Variants in FABP12 observed in about 807,000 individuals in gnomAD.
FABP12 encodes fatty acid binding protein 12.
FABP12 carries 19 observed loss-of-function variants against 13.7 expected under a neutral mutation model. That is an observed-to-expected ratio of 1.39 (90% CI 0.97 to 2.04). FABP12 has a LOEUF of 2.04. FABP12 is among the 30% of genes most tolerant of loss of function. FABP12 has a pLI of 0.00. For missense variants in FABP12, 182 were observed against 164.2 expected (o/e 1.11, Z -0.59); for synonymous variants, 61 against 57.0 (o/e 1.07, Z -0.32).
intron 1 of FABP12, among the ~76,000 whole-genome samples, chr8:81,555,882 A>AT (rs899209526): frequency 4.0e-5 from 6 of 151,706 alleles, no homozygotes; most frequent in South Asian, 2.1e-4. Context: ...ATGTTCTAGT[A>AT]TTTTTTTTTC....
chr8:81,564,214 CTT>C (rs1452101177), intron 1 of FABP12, among the ~76,000 whole-genome samples: 2 of 151,942 alleles, frequency 1.3e-5, no homozygotes, highest in Non-Finnish European at 2.9e-5. Flanking sequence ...GAAATAAAGA[CTT>C]TGCCAGACAA....
At chr8:81,541,780 C>T (rs951298297) in intron 1 of FABP12, among the ~76,000 whole-genome samples, 1 of 151,908 alleles carries the variant, frequency 6.6e-6, no homozygotes, top group African/African-American at 2.4e-5. Flanking sequence ...TTACTATAAC[C>T]TCAGATGTTG....
intron 2 of FABP12, among the ~76,000 whole-genome samples, chr8:81,530,328 A>C (rs1809033783): frequency 6.6e-6 from 1 of 152,136 alleles, no homozygotes; most frequent in African/African-American, 2.4e-5. Flanking sequence ...TTCATAGTAC[A>C]TAATATTCCA....
intron 1 of FABP12, among the ~76,000 whole-genome samples, chr8:81,572,563 T>C (rs1809953303): frequency 6.6e-6 from 1 of 152,230 alleles, no homozygotes; most frequent in Non-Finnish European, 1.5e-5. Context: ...CTAGTTTACA[T>C]TCCCACCAGC....
Position 81,578,823 on chromosome 8 carries a change from G to GTTTCTTTTTTTTTTTTT in FABP12, c.-185+11229_-185+11230insAAAAAAAAAAAAAGAAA, listed in dbSNP as rs71268012. ...TACAGAATCTGACACATTTGTTCAA[G>GTTTCTTTTTTTTTTTTT]TTTTTTTTTTTTTTTTTTTGAGAAG... On this transcript the variant is annotated intron_variant, in intron 1 of 5. Coordinates refer to the FABP12 transcript ENST00000692030. Among the ~76,000 whole-genome samples, 8 of 105,668 alleles carry GTTTCTTTTTTTTTTTTT rather than the reference G, an allele frequency of 7.6e-5. 1 individual carries two copies. The highest frequency in any genetic ancestry group is 2.0e-4 in the African/African-American group (5 of 24,576). The allele number at this position is 105,668 out of a possible 152,430, so 69.3% of individuals were successfully genotyped here. A position where few individuals can be genotyped will look rare whatever the true frequency, so the allele number is the denominator to read the frequency against.
chr8:81,586,754 C>T (rs35564978), intron 1 of FABP12, among the ~76,000 whole-genome samples: 2,915 of 152,052 alleles, frequency 0.019, 64 homozygotes, highest in African/African-American at 0.057. Flanking sequence ...TGTGTGTTTA[C>T]TCTGTTGATA....
chr8:81,558,138 G>A (rs1054229097), intron 1 of FABP12, among the ~76,000 whole-genome samples: 2 of 152,182 alleles, frequency 1.3e-5, no homozygotes, highest in East Asian at 1.9e-4. Context: ...TCTCTACTGC[G>A]TGCTCTGAAA....
intron 1 of FABP12, among the ~76,000 whole-genome samples, chr8:81,548,320 C>T (rs1809469047): frequency 1.3e-5 from 2 of 152,118 alleles, no homozygotes; most frequent in South Asian, 4.1e-4. Context: ...TTTGAGGTCA[C>T]TACCCTCAAA....
intron 3 of FABP12, among the ~76,000 whole-genome samples, chr8:81,527,994 T>C (rs867252945): frequency 6.6e-6 from 1 of 152,130 alleles, no homozygotes; most frequent in Non-Finnish European, 1.5e-5. Context: ...GTGAAACTAA[T>C]TCAAACTCCC....
chr8:81,527,564 T>C (rs1426975310), intron 3 of FABP12, among the ~76,000 whole-genome samples: 1 of 152,132 alleles, frequency 6.6e-6, no homozygotes, highest in African/African-American at 2.4e-5. Flanking sequence ...GGTTTCACCA[T>C]GTTGGCCAGG....
intron 1 of FABP12, among the ~76,000 whole-genome samples, chr8:81,568,689 G>A (rs1051554221): frequency 6.6e-6 from 1 of 152,166 alleles, no homozygotes; most frequent in Non-Finnish European, 1.5e-5. Flanking sequence ...CATGTTTATT[G>A]CAGCACTATC....
Position 81,576,736 on chromosome 8 carries a change from G to A in FABP12, c.-185+13317C>T, listed in dbSNP as rs1402011086. Among the ~76,000 whole-genome samples, 5 of 152,090 alleles carry A rather than the reference G, an allele frequency of 3.3e-5. 1 individual carries two copies. The highest frequency in any genetic ancestry group is 5.9e-5 in the Non-Finnish European group (4 of 68,024). On this transcript the variant is annotated intron_variant, in intron 1 of 5. Coordinates refer to the FABP12 transcript ENST00000692030. ...GACAAACTATCCCCAAATCTGAGTG[G>A]CTTAAAACCACAAAGTTTTATTTCT... is the stretch of plus-strand genomic sequence containing the variant.
At chr8:81,531,348 T>C (rs375187044) in exon 2 of FABP12, 14 of 1,483,168 alleles carry the variant, frequency 9.4e-6, no homozygotes, top group Non-Finnish European at 1.3e-5. Flanking sequence ...CAAAGAACAG[T>C]AGTTTCATGT....
intron 1 of FABP12, among the ~76,000 whole-genome samples, chr8:81,562,209 C>T (rs1324539484): frequency 6.6e-6 from 1 of 152,162 alleles, no homozygotes; most frequent in Non-Finnish European, 1.5e-5. Context: ...AAGGGAAGGA[C>T]CCAGTTCTGG....
intron 1 of FABP12, among the ~76,000 whole-genome samples, chr8:81,555,718 T>C (rs1373908058): frequency 6.6e-6 from 1 of 152,186 alleles, no homozygotes; most frequent in African/African-American, 2.4e-5. Context: ...GCTATTCTGT[T>C]AAACTCCAGC....
At chr8:81,534,127 A>G (rs747098034), upstream of FABP12, among the ~76,000 whole-genome samples, 2 of 152,008 alleles carry the variant, frequency 1.3e-5, no homozygotes, top group Non-Finnish European at 2.9e-5. Context: ...TCTCACACAC[A>G]TACACACACA....
At chr8:81,525,515 C>CAA (rs201121273) in intron 4 of FABP12, among the ~76,000 whole-genome samples, 44 of 95,616 alleles carry the variant, frequency 4.6e-4, no homozygotes, top group East Asian at 2.5e-3. Flanking sequence ...GACTCCGTCT[C>CAA]AAAAAAAAAA....
chr8:81,525,186 A>G (rs1808860965), intron 4 of FABP12, 66 bp from the exon 5 acceptor site: 1 of 1,054,278 alleles, frequency 9.5e-7, no homozygotes, highest in Non-Finnish European at 1.4e-6. Context: ...AGAAAAGTGC[A>G]AACTAAGTAC....
intron 1 of FABP12, among the ~76,000 whole-genome samples, chr8:81,576,145 C>A (rs1420820199): frequency 6.6e-6 from 1 of 152,132 alleles, no homozygotes; most frequent in Non-Finnish European, 1.5e-5. Flanking sequence ...AATGACTTTT[C>A]TCTTAATTTC....
Sources: allele counts gnomAD v4.1 joint callset (sites outside exome capture counted in the v4.1 genomes callset), GRCh38; gene constraint gnomAD v4.1.1; transcripts MANE v1.5; gene names NCBI Gene and HGNC (gene_info 2026-07-23, HGNC 2026-07-21).